MUSTN1: variants seen among roughly 807,000 people sequenced by gnomAD.
MUSTN1 encodes the protein musculoskeletal, embryonic nuclear protein 1, also known as musculoskeletal embryonic nuclear protein 1.
Under a neutral mutation model 11.8 loss-of-function variants are expected in MUSTN1, and 14 were observed. That is an observed-to-expected ratio of 1.18 (90% CI 0.78 to 1.85). MUSTN1 has a LOEUF of 1.85. Among genes scored for constraint, MUSTN1 ranks in the 40% most tolerant of loss-of-function variants. MUSTN1 has a pLI of 0.00. For synonymous variants in MUSTN1, 42 were observed against 43.3 expected, an observed-to-expected ratio of 0.97 and a Z score of 0.12; for missense variants, 111 against 108.8, an observed-to-expected ratio of 1.02 and a Z score of -0.09.
chr3:52,834,084 G>A (rs1700649713), intron 1 of MUSTN1, among the ~76,000 whole-genome samples: 1 of 152,194 alleles, frequency 6.6e-6, no homozygotes. Context: ...CTCTGAGGTT[G>A]GGCAATACTA....
intron 1 of MUSTN1, chr3:52,834,627 C>CTATA: frequency 1.7e-6 from 1 of 578,006 alleles, no homozygotes; most frequent in Non-Finnish European, 3.1e-6. Flanking sequence ...ACACACTGAG[C>CTATA]TATATCGGCA....
rs1353782456 is a variant in MUSTN1, at chr3:52,833,374, T to A, written c.199A>T (p.Thr67Ser). ...CCGGCTTTGGGCTTCTCAAAGACAG[T>A]CTCGGTACCTGTGCGGGTGCGGCTG... ...VFSRTRTGTE[T>S]VFEKPKAGPT... is the part of the protein sequence containing the mutation. The change falls in exon 3 of 3, where the codon ACT becomes TCT. Residue 67 changes from threonine (T) to serine (S), a missense_variant. Physicochemically the swap from Thr to Ser is moderately conservative, Grantham distance 58. Transcript: ENST00000446157. 2.5e-6 allele frequency: 4 copies of A among 1,613,860 alleles called. No individual in the cohort carries two copies. In the East Asian group the frequency reaches 8.9e-5, roughly 36 times the overall value.
At chr3:52,833,458 A>T (rs1483219290) in intron 2 of MUSTN1, 28 bp from the exon 3 acceptor site, 1 of 1,603,270 alleles carries the variant, frequency 6.2e-7, no homozygotes, top group African/African-American at 1.3e-5. Context: ...GTCAGGGGCC[A>T]GCCTAGCTTC....
In MUSTN1 at chr3:52,833,806, T is replaced by G. The variant is rs1700643702; in HGVS notation, c.10-57A>C. 2.6e-6 allele frequency: 4 copies of G among 1,544,706 alleles called. No homozygotes were observed. In the South Asian group the frequency reaches 4.8e-5, roughly 19 times the overall value. ...TGAAGCCTCGGTAGAAAGGCACACC[T>G]ACCTCTGTGCCTTGGCCAAGACCCC... On this transcript the variant is annotated intron_variant, in intron 1 of 2. Transcript: ENST00000446157.
chr3:52,833,526 T>G, intron 2 of MUSTN1, 91 bp downstream of exon 2: 1 of 1,584,708 alleles, frequency 6.3e-7, no homozygotes, highest in Non-Finnish European at 8.6e-7. Context: ...GAATACTGGA[T>G]TCTCAGAAAA....
At position 52,833,325 on chromosome 3, in the gene MUSTN1, C is replaced by T. The variant is rs367858565; in HGVS notation, c.248G>A (p.Ter83=). 1.4e-4 allele frequency: 227 copies of T among 1,613,884 alleles called. No homozygotes were observed. Among genetic ancestry groups the T allele is most frequent in the Admixed American group, 5.3e-4 (32 of 60,018 alleles). ...AGCAAGGGGAGTGGCGCACACTTCT[C>T]AGCCGAAGACACTCTTGGTGGGTCC... ...KAGPTKSVFG[*] The change falls in exon 3 of 3, where the codon TGA becomes TAA. Residue 83 remains the stop codon, a stop_retained_variant. Transcript: ENST00000446157.
Position 52,833,440 on chromosome 3 carries a change from G to A in MUSTN1, c.143-10C>T. ...GCCGAGCCAGCTTGCTCTGTGGGAG[G>A]AGGTAAAGTCAGGGGCCAGCCTAGC... On this transcript the variant is annotated splice_polypyrimidine_tract_variant and intron_variant, in intron 2 of 2. Coordinates refer to ENST00000446157, the MANE Select transcript of MUSTN1 (RefSeq NM_205853.4). The A allele has an allele frequency of 6.2e-7, 1 of 1,609,798 alleles. No homozygotes were observed. Among genetic ancestry groups the A allele is most frequent in the South Asian group, 1.1e-5 (1 of 90,942 alleles).
chr3:52,833,282 G>C lies in MUSTN1; in HGVS notation c.*42C>G, dbSNP rs112421916. 32 of 1,612,856 alleles carry C rather than the reference G, an allele frequency of 2.0e-5. No homozygotes were observed. The African/African-American group carries it at 3.5e-4, about 17-fold the overall frequency. The stretch of plus-strand genomic sequence containing the variant: ...AAAAGAGTTCCTGGGAAAGGCTCCT[G>C]TTTCCGAGCATTCGGGCAGCAAGGG... On this transcript the variant is annotated 3_prime_UTR_variant, in exon 3 of 3. Transcript: ENST00000446157.
At chr3:52,833,489 C>A in intron 2 of MUSTN1, 59 bp from the exon 3 acceptor site, 2 of 1,593,430 alleles carry the variant, frequency 1.3e-6, no homozygotes, top group African/African-American at 1.3e-5. Flanking sequence ...AGATCCCTTA[C>A]GATGGGAGCA....
chr3:52,834,551 C>T (rs756378505), intron 1 of MUSTN1, among the ~76,000 whole-genome samples: 7 of 152,046 alleles, frequency 4.6e-5, no homozygotes, highest in Non-Finnish European at 2.9e-5. Flanking sequence ...ACAGACAGAC[C>T]TATGTGTGTG....
chr3:52,833,585 T>A (rs535286634), intron 2 of MUSTN1, 32 bp downstream of exon 2: 5 of 1,606,598 alleles, frequency 3.1e-6, no homozygotes, highest in Non-Finnish European at 4.3e-6. Flanking sequence ...TGCACCCCCA[T>A]CCCCAGCCCC....
chr3:52,834,038 G>A (rs1468456677), intron 1 of MUSTN1, among the ~76,000 whole-genome samples: 1 of 152,190 alleles, frequency 6.6e-6, no homozygotes. Context: ...GTCAAGCTCA[G>A]GACTGGGCAC....
intron 1 of MUSTN1, 73 bp from the exon 2 acceptor site, chr3:52,833,822 C>T (rs909618139): frequency 3.3e-6 from 5 of 1,525,538 alleles, no homozygotes; most frequent in Non-Finnish European, 4.4e-6. Context: ...TGTGCCTTGG[C>T]CAAGACCCCT....
Position 52,834,942 on chromosome 3 carries a change from G to T in MUSTN1, c.7C>A (p.Gln3Lys). Residue 3 changes from glutamine to lysine, a missense_variant and splice_region_variant, in exon 1 of 3, where the codon CAG (glutamine) becomes AAG (lysine). By Grantham distance (53) the Gln-to-Lys change is moderately conservative. Transcript: ENST00000446157. The part of the protein sequence containing the change: MS[Q>K]AGAQEAPIKK... Reference sequence around the variant, plus strand: ...CAGCCCTTGCTGGGTCCTCCTACCTGGGACATGGTGGGTATTGTGTAAGCG... The same window carrying T: ...CAGCCCTTGCTGGGTCCTCCTACCTTGGACATGGTGGGTATTGTGTAAGCG... 1 of 1,613,630 alleles carries T rather than the reference G, an allele frequency of 6.2e-7. No individual in the cohort carries two copies. Among genetic ancestry groups the T allele is most frequent in the Non-Finnish European group, 8.5e-7 (1 of 1,179,818 alleles).
chr3:52,834,364 C>T (rs953179450), intron 1 of MUSTN1, among the ~76,000 whole-genome samples: 4 of 152,222 alleles, frequency 2.6e-5, no homozygotes, highest in South Asian at 2.1e-4. Context: ...CAACCCCAGG[C>T]GCCTGTGAGT....
At chr3:52,834,131 G>A (rs1700650568) in intron 1 of MUSTN1, among the ~76,000 whole-genome samples, 1 of 152,204 alleles carries the variant, frequency 6.6e-6, no homozygotes. Flanking sequence ...TTCACTGGGT[G>A]GCAAGCGGTT....
chr3:52,833,663 C>A lies in MUSTN1; in HGVS notation c.96G>T (p.Lys32Asn). The A allele has an allele frequency of 1.2e-6, 2 of 1,608,228 alleles. No individual in the cohort carries two copies. Among genetic ancestry groups the A allele is most frequent in the Non-Finnish European group, 1.7e-6 (2 of 1,177,412 alleles). Residue 32 changes from lysine (K) to asparagine (N), a missense_variant, in exon 2 of 3, where the codon AAG becomes AAT. By Grantham distance (94) the Lys-to-Asn change is moderately conservative. Coordinates refer to ENST00000446157, the MANE Select transcript of MUSTN1 (RefSeq NM_205853.4). ...DLKGARGNLTKNQEIKSKTYQ... is the reference protein window; with the variant it reads ...DLKGARGNLTNNQEIKSKTYQ... ...AGGTCTTGGACTTGATTTCCTGGTT[C>A]TTGGTCAGGTTTCCTCGGGCCCCCT... is the stretch of plus-strand genomic sequence containing the variant.
chr3:52,833,218 C>G lies in MUSTN1; in HGVS notation c.*106G>C. 6.6e-7 allele frequency: 1 copy of G among 1,506,958 alleles called. No individual in the cohort carries two copies. The highest frequency in any genetic ancestry group is 1.9e-5 in the Admixed American group (1 of 51,282). 93.3% of individuals were successfully genotyped at this position (1,506,958 alleles called of 1,614,324 possible). A position where few individuals can be genotyped will look rare whatever the true frequency, so the allele number is the denominator to read the frequency against. On this transcript the variant is annotated 3_prime_UTR_variant, in exon 3 of 3. Coordinates refer to ENST00000446157, the MANE Select transcript of MUSTN1 (RefSeq NM_205853.4). ...CCTGGACTGTGGGGGAGGGTGGCAG[C>G]CCCAGAGACAGCAGGGGAGAGGAAG...
At chr3:52,833,497 G>T in intron 2 of MUSTN1, 67 bp from the exon 3 acceptor site, 1 of 1,591,134 alleles carries the variant, frequency 6.3e-7, no homozygotes, top group Non-Finnish European at 8.6e-7. Flanking sequence ...TACGATGGGA[G>T]CACCTTTCTT....
Sources: gnomAD v4.1 joint callset for allele counts (sites outside exome capture counted in the v4.1 genomes callset) on GRCh38, gnomAD v4.1.1 for gene constraint, MANE v1.5 for transcripts, NCBI Gene and HGNC (gene_info 2026-07-23, HGNC 2026-07-21) for gene names.